TCP10L: variants seen among roughly 807,000 people sequenced by gnomAD.
TCP10L encodes t-complex 10 like.
In TCP10L, 11 loss-of-function variants were observed where a neutral mutation model predicts 19.2. That is an observed-to-expected ratio of 0.57 (90% CI 0.36 to 0.95). The LOEUF (loss-of-function observed/expected upper bound fraction) is 0.95, where lower values mean the gene tolerates loss of function less well. TCP10L is among the 40% of genes least tolerant of loss of function. The pLI, the probability that TCP10L is intolerant of heterozygous loss-of-function variation, is 0.01. For missense variants in TCP10L, 247 were observed against 263.9 expected (o/e 0.94, Z 0.44); for synonymous variants, 96 against 97.2 (o/e 0.99, Z 0.07).
In TCP10L at chr21:32,582,458, A is replaced by T. The variant is rs1188898195; in HGVS notation, c.145-43T>A. On this transcript the variant is annotated intron_variant, in intron 2 of 4. Coordinates refer to ENST00000300258, the MANE Select transcript of TCP10L (RefSeq NM_144659.7). This position sits in a 1 kb window ranked among gnomAD's most constrained non-coding sequence, Gnocchi z 4.2. ...ACACCAGAAAAACCTCTCAGATGTC[A>T]CAATGGGCACATTTATCTGCAAAAT... 1.9e-6 allele frequency: 3 copies of T among 1,570,746 alleles called. No individual in the cohort carries two copies. The highest frequency in any genetic ancestry group is 3.6e-4 in the Middle Eastern group (2 of 5,566).
chr21:32,581,066 C>T (rs765007547), intron 3 of TCP10L, among the ~76,000 whole-genome samples: 93 of 152,334 alleles, frequency 6.1e-4, no homozygotes, highest in Non-Finnish European at 1.2e-3. Flanking sequence ...ACACTCCCAT[C>T]CTATGCCTAT....
rs928020470 is a variant in TCP10L at position 32,575,996 on chromosome 21, G to A, written c.*778C>T. The A allele has an allele frequency of 3.4e-6, 1 of 290,504 alleles. No individual in the cohort carries two copies. Among genetic ancestry groups the A allele is most frequent in the Non-Finnish European group, 6.5e-6 (1 of 153,722 alleles). 18.0% of individuals were successfully genotyped at this position (290,504 alleles called of 1,614,324 possible). A position where few individuals can be genotyped will look rare whatever the true frequency, so the allele number is the denominator to read the frequency against. Reference sequence around the variant, plus strand: ...TCTCCAGTCACGGCCCCTGGAGACCGGCATGTGGGCTGTGTGTGGGGTGGA... The same window carrying A: ...TCTCCAGTCACGGCCCCTGGAGACCAGCATGTGGGCTGTGTGTGGGGTGGA... On this transcript the variant is annotated 3_prime_UTR_variant, in exon 5 of 5. Transcript: ENST00000300258.
Position 32,576,684 on chromosome 21 carries a change from T to C in TCP10L, c.*90A>G. ...TTTTGAATAACAAATTGAGTACTTT[T>C]ATTAGACCTAAGTGGAACTTTATCT... On this transcript the variant is annotated 3_prime_UTR_variant, in exon 5 of 5. Transcript: ENST00000300258. The C allele has an allele frequency of 7.4e-7, 1 of 1,354,504 alleles. No individual in the cohort carries two copies. Among genetic ancestry groups the C allele is most frequent in the East Asian group, 2.3e-5 (1 of 43,306 alleles). The allele number at this position is 1,354,504 out of a possible 1,614,324, so 83.9% of individuals were successfully genotyped here. A position where few individuals can be genotyped will look rare whatever the true frequency, so the allele number is the denominator to read the frequency against.
intron 1 of TCP10L, 54 bp from the exon 2 acceptor site, chr21:32,584,359 G>T: frequency 6.4e-7 from 1 of 1,571,968 alleles, no homozygotes; most frequent in Non-Finnish European, 8.6e-7. Context: ...CTCCTACCCC[G>T]TCAGTGTGGG....
At chr21:32,583,588 C>CAAAAA (rs771224269) in intron 2 of TCP10L, among the ~76,000 whole-genome samples, 6 of 82,948 alleles carry the variant, frequency 7.2e-5, no homozygotes, top group African/African-American at 2.5e-4. Context: ...GACTCCGTCT[C>CAAAAA]AAAAAAAAAA....
In TCP10L at chr21:32,578,132, G is replaced by A. The variant is rs1728276781; in HGVS notation, c.498+562C>T. Reference sequence around the variant, plus strand: ...TCAGCGTGGGCATCATGGCCATCACGAACATGTCACAGTGCTGCAGAGATT... The same window carrying A: ...TCAGCGTGGGCATCATGGCCATCACAAACATGTCACAGTGCTGCAGAGATT... On this transcript the variant is annotated intron_variant, in intron 4 of 4. Transcript: ENST00000300258. The surrounding 1 kb of genome is among the most constrained non-coding windows in gnomAD (Gnocchi z 4.2). Among the ~76,000 whole-genome samples the A allele has an allele frequency of 6.6e-6, 1 of 152,234 alleles. No individual in the cohort carries two copies. Among genetic ancestry groups the A allele is most frequent in the Admixed American group, 6.5e-5 (1 of 15,290 alleles).
At position 32,582,751 on chromosome 21, in the gene TCP10L, C is replaced by T. The variant is rs2038510307; in HGVS notation, c.145-336G>A. ...GGGACTACAGGCATGTGCCACCATA[C>T]TTCGCTAATTTTTGTATTTTTACTC... On this transcript the variant is annotated intron_variant, in intron 2 of 4. Coordinates refer to ENST00000300258, the MANE Select transcript of TCP10L (RefSeq NM_144659.7). The surrounding 1 kb of genome is among the most constrained non-coding windows in gnomAD (Gnocchi z 4.2). 6.6e-6 allele frequency among the ~76,000 whole-genome samples: 1 copy of T among 152,046 alleles called. No individual in the cohort carries two copies. The highest frequency in any genetic ancestry group is 2.4e-5 in the African/African-American group (1 of 41,408).
Position 32,576,618 on chromosome 21 carries a change from A to G in TCP10L, c.*156T>C. ...CATGTCTGAAGAACTTCAAGTTTTT[A>G]TCTATAGAAACATAATTAGTTTAAT... On this transcript the variant is annotated 3_prime_UTR_variant, in exon 5 of 5. Coordinates refer to ENST00000300258, the MANE Select transcript of TCP10L (RefSeq NM_144659.7). 2.4e-6 allele frequency: 2 copies of G among 818,948 alleles called. No homozygotes were observed. Among genetic ancestry groups the G allele is most frequent in the East Asian group, 5.4e-5 (2 of 36,904 alleles). 50.7% of individuals were successfully genotyped at this position (818,948 alleles called of 1,614,324 possible).
Position 32,578,674 on chromosome 21 carries a change from T to C in TCP10L, c.498+20A>G. The stretch of plus-strand genomic sequence containing the variant: ...CAGAACCTCTGCTTCTCTTTACAGA[T>C]GATAAGCACAAAGGGTCACCTTTGG... On this transcript the variant is annotated intron_variant, in intron 4 of 4. Coordinates refer to ENST00000300258, the MANE Select transcript of TCP10L (RefSeq NM_144659.7). This position sits in a 1 kb window ranked among gnomAD's most constrained non-coding sequence, Gnocchi z 4.2. The C allele has an allele frequency of 1.2e-6, 2 of 1,608,016 alleles. No individual in the cohort carries two copies. The highest frequency in any genetic ancestry group is 1.3e-5 in the African/African-American group (1 of 74,660).
Position 32,576,444 on chromosome 21 carries a change from C to T in TCP10L, c.*330G>A, listed in dbSNP as rs952722946. On this transcript the variant is annotated 3_prime_UTR_variant, in exon 5 of 5. Coordinates refer to ENST00000300258, the MANE Select transcript of TCP10L (RefSeq NM_144659.7). Reference sequence around the variant, plus strand: ...GCCATCCTCGATTTCCAGCAAGACCCCAGGGCTCACCCAACAGCCCGACAC... The same window carrying T: ...GCCATCCTCGATTTCCAGCAAGACCTCAGGGCTCACCCAACAGCCCGACAC... 4.1e-6 allele frequency: 3 copies of T among 725,600 alleles called. No individual in the cohort carries two copies. Among genetic ancestry groups the T allele is most frequent in the African/African-American group, 3.6e-5 (2 of 56,178 alleles). The allele number at this position is 725,600 out of a possible 1,614,324, so 44.9% of individuals were successfully genotyped here. A position where few individuals can be genotyped will look rare whatever the true frequency, so the allele number is the denominator to read the frequency against.
Position 32,576,869 on chromosome 21 carries a change from T to A in TCP10L, c.553A>T (p.Asn185Tyr). Residue 185 changes from asparagine (N) to tyrosine (Y), a missense_variant, in exon 5 of 5, where the codon AAT becomes TAT. By Grantham distance (143) the Asn-to-Tyr change is moderately radical. Transcript: ENST00000300258. ...CTCCTGGAAAGATTTTTATCTCTAT[T>A]TTCCTGTGGTGGTGTTTTCCACGAG... is the stretch of plus-strand genomic sequence containing the variant. ...ISSWKTPPQE[N>Y]RDKNLSRRRQ... 1.2e-6 allele frequency: 2 copies of A among 1,614,246 alleles called. No individual in the cohort carries two copies. Among genetic ancestry groups the A allele is most frequent in the Non-Finnish European group, 1.7e-6 (2 of 1,180,044 alleles).
Position 32,576,199 on chromosome 21 carries a change from C to A in TCP10L, c.*575G>T. 1 of 1,408,970 alleles carries A rather than the reference C, an allele frequency of 7.1e-7. No individual in the cohort carries two copies. The highest frequency in any genetic ancestry group is 2.4e-5 in the East Asian group (1 of 40,976). 87.3% of individuals were successfully genotyped at this position (1,408,970 alleles called of 1,614,324 possible). On this transcript the variant is annotated 3_prime_UTR_variant, in exon 5 of 5. Coordinates refer to ENST00000300258, the MANE Select transcript of TCP10L (RefSeq NM_144659.7). ...CGGGGAGCATAGAAACAGGAGTCCC[C>A]AACTCTGCTCACCAGCTCCTCCGGC...
rs761828778 is a variant in TCP10L at position 32,584,215 on chromosome 21, C to T, written c.90G>A (p.Lys30=). ...TGAGAACCTCGGCTGCCACAGCTGT[C>T]TTCTCCATGACAGCCCCAGCTCCTG... The part of the protein sequence containing the change: ...PCPGAGAVME[K]TAVAAEVLTE... The change falls in exon 2 of 5, where the codon AAG becomes AAA. Residue 30 remains lysine, a synonymous_variant. Coordinates refer to ENST00000300258, the MANE Select transcript of TCP10L (RefSeq NM_144659.7). The T allele has an allele frequency of 1.9e-6, 3 of 1,614,056 alleles. No homozygotes were observed. In the African/African-American group the frequency reaches 4.0e-5, roughly 22 times the overall value.
rs373347740 is a variant in TCP10L, at chr21:32,576,781, C to A, written c.641G>T (p.Gly214Val). 1 of 1,604,748 alleles carries A rather than the reference C, an allele frequency of 6.2e-7. No homozygotes were observed. Among genetic ancestry groups the A allele is most frequent in the Non-Finnish European group, 8.5e-7 (1 of 1,174,322 alleles). The change falls in exon 5 of 5, where the codon GGT becomes GTT. Residue 214 changes from glycine to valine, a missense_variant. Physicochemically the swap from Gly to Val is moderately radical, Grantham distance 109. Transcript: ENST00000300258. ...RPTPCAERRG[G>V]V ...GAGGCCACCTTTCCATCTTCAGACA[C>A]CCCCCCGTCTCTCTGCACAGGGAGT...
Position 32,582,749 on chromosome 21 carries a change from T to G in TCP10L, c.145-334A>C, listed in dbSNP as rs565404141. Among the ~76,000 whole-genome samples the G allele has an allele frequency of 5.9e-5, 9 of 152,078 alleles. No individual in the cohort carries two copies. The highest frequency in any genetic ancestry group is 1.2e-4 in the Non-Finnish European group (8 of 67,964). ...CTGGGACTACAGGCATGTGCCACCATACTTCGCTAATTTTTGTATTTTTAC... is the reference window on the plus strand; with the variant it reads ...CTGGGACTACAGGCATGTGCCACCAGACTTCGCTAATTTTTGTATTTTTAC... On this transcript the variant is annotated intron_variant, in intron 2 of 4. Transcript: ENST00000300258. The surrounding 1 kb of genome is among the most constrained non-coding windows in gnomAD (Gnocchi z 4.2).
rs532238504 is a variant in TCP10L, at chr21:32,584,111, C to T, written c.144+50G>A. The T allele has an allele frequency of 1.7e-4, 259 of 1,559,108 alleles. 4 individuals are homozygous for T. In the South Asian group the frequency reaches 3.0e-3, roughly 18 times the overall value. ...AATGACGGGCCTCAGGGACAGGAAT[C>T]AGGGTCCCGCCTGGTGGGACTAACT... is the stretch of plus-strand genomic sequence containing the variant. On this transcript the variant is annotated intron_variant, in intron 2 of 4. Transcript: ENST00000300258.
At chr21:32,583,561 C>G (rs910056866) in intron 2 of TCP10L, among the ~76,000 whole-genome samples, 3 of 144,612 alleles carry the variant, frequency 2.1e-5, no homozygotes, top group African/African-American at 7.9e-5. Context: ...TGCACTCCAG[C>G]CTGGGCGACA....
Position 32,575,731 on chromosome 21 carries a change from T to C in TCP10L, c.*1043A>G, listed in dbSNP as rs2038424946. 6.5e-6 allele frequency: 1 copy of C among 153,096 alleles called. No homozygotes were observed. Among genetic ancestry groups the C allele is most frequent in the Admixed American group, 6.5e-5 (1 of 15,310 alleles). The allele number at this position is 153,096 out of a possible 1,614,324, so 9.5% of individuals were successfully genotyped here. ...TCTTTCCTGACTCAACCAGGGGCAC[T>C]CTCGTCTCCTCCCCGTGAGACCCGC... On this transcript the variant is annotated 3_prime_UTR_variant, in exon 5 of 5. Coordinates refer to ENST00000300258, the MANE Select transcript of TCP10L (RefSeq NM_144659.7).
rs2038455869 is a variant in TCP10L at position 32,578,273 on chromosome 21, C to T, written c.498+421G>A. Among the ~76,000 whole-genome samples, 1 of 152,210 alleles carries T rather than the reference C, an allele frequency of 6.6e-6. No homozygotes were observed. Among genetic ancestry groups the T allele is most frequent in the Non-Finnish European group, 1.5e-5 (1 of 68,036 alleles). On this transcript the variant is annotated intron_variant, in intron 4 of 4. Coordinates refer to ENST00000300258, the MANE Select transcript of TCP10L (RefSeq NM_144659.7). The surrounding 1 kb of genome is among the most constrained non-coding windows in gnomAD (Gnocchi z 4.2). The stretch of plus-strand genomic sequence containing the variant: ...CCAAGCTAACAGCGCCACCCCTGTT[C>T]AGAGGAGTCCACGCCGACAAGCAGC...
Sources: gnomAD v4.1 joint callset for allele counts (sites outside exome capture counted in the v4.1 genomes callset) on GRCh38, gnomAD v4.1.1 for gene constraint, Gnocchi (gnomAD v3.1) non-coding constraint, MANE v1.5 for transcripts, NCBI Gene and HGNC (gene_info 2026-07-23, HGNC 2026-07-21) for gene names.